The following ABLIM1 variants were observed in gnomAD, a reference collection of about 807,000 sequenced individuals.
ABLIM1 encodes actin-binding LIM protein 1.
A neutral mutation model predicts 107.0 loss-of-function variants in ABLIM1; 40 were observed. The observed-to-expected ratio is 0.37, with a 90% CI of 0.29 to 0.49. The LOEUF is 0.49. Among genes scored for constraint, ABLIM1 ranks in the 20% least tolerant of loss-of-function variants. The pLI is 0.97. For missense variants in ABLIM1, 857 were observed against 1,008.5 expected (o/e 0.85, Z 2.04); for synonymous variants, 357 against 357.3 (o/e 1.00, Z 0.01).
intron 6 of ABLIM1, among the ~76,000 whole-genome samples, chr10:114,505,283 C>T (rs2060969460): frequency 6.6e-6 from 1 of 152,194 alleles, no homozygotes; most frequent in African/African-American, 2.4e-5. Flanking sequence ...TAAATATTTG[C>T]CTTCAAGTTC....
intron 2 of ABLIM1, among the ~76,000 whole-genome samples, chr10:114,587,097 C>T (rs780271333): frequency 2.6e-5 from 4 of 152,154 alleles, no homozygotes; most frequent in South Asian, 2.1e-4. Context: ...ATGGAAAGTA[C>T]GATTGGAGAT....
rs143296116 is a variant in ABLIM1 at position 114,599,105 on chromosome 10, G to C, written c.379+2722C>G. ...GTGATTCCAGAATGTTGGGACACAA[G>C]ATAGTAGCCATTGCCAGATTAAGTG... On this transcript the variant is annotated intron_variant, in intron 2 of 22. Transcript: ENST00000533213. Among the ~76,000 whole-genome samples, 395 of 152,288 alleles carry C rather than the reference G, an allele frequency of 2.6e-3. 1 individual carries two copies. Among genetic ancestry groups the C allele is most frequent in the Non-Finnish European group, 2.3e-3 (154 of 68,012 alleles).
At chr10:114,437,421 C>T (rs538075212) in intron 22 of ABLIM1, among the ~76,000 whole-genome samples, 1 of 150,994 alleles carries the variant, frequency 6.6e-6, no homozygotes. Flanking sequence ...TGGATTCAAG[C>T]GATTCTCCTG....
chr10:114,798,557 C>CCG, the ABLIM1 span, among the ~76,000 whole-genome samples: 1 of 30,026 alleles, frequency 3.3e-5, no homozygotes, highest in Middle Eastern at 0.016. Context: ...GATGATGAGA[C>CCG]CCCCCCCCCA....
At chr10:114,536,223 CTTTGTTTTTTTTT>C (rs1307815480) in intron 6 of ABLIM1, among the ~76,000 whole-genome samples, 9 of 80,416 alleles carry the variant, frequency 1.1e-4, no homozygotes, top group African/African-American at 2.0e-4. Flanking sequence ...TTCCTTCTTT[CTTTGTTTTTTTTT>C]TTTTTTTTTT....
intron 6 of ABLIM1, among the ~76,000 whole-genome samples, chr10:114,492,942 GA>G (rs202028361): frequency 4.2e-4 from 63 of 151,212 alleles, no homozygotes; most frequent in Non-Finnish European, 8.3e-4. Context: ...TAATCAGGTG[GA>G]AAAAAAAATT....
intron 1 of ABLIM1, among the ~76,000 whole-genome samples, chr10:114,653,345 C>T (rs2079340887): frequency 6.6e-6 from 1 of 151,824 alleles, no homozygotes; most frequent in Non-Finnish European, 1.5e-5. Context: ...AGTTTTAAAC[C>T]AGCCTGGGCA....
intron 1 of ABLIM1, among the ~76,000 whole-genome samples, chr10:114,664,901 G>A (rs1369715164): frequency 1.0e-4 from 15 of 150,618 alleles, no homozygotes; most frequent in Non-Finnish European, 1.8e-4. Context: ...GGCGGATCAC[G>A]AGGTCAGGAA....
At chr10:114,653,362 T>C (rs1051446596) in intron 1 of ABLIM1, among the ~76,000 whole-genome samples, 3 of 145,842 alleles carry the variant, frequency 2.1e-5, no homozygotes, top group Non-Finnish European at 4.6e-5. Context: ...GGCAACAAAG[T>C]GAGACCCTGT....
intron 4 of ABLIM1, among the ~76,000 whole-genome samples, chr10:114,555,593 C>T (rs973768440): frequency 1.3e-5 from 2 of 152,106 alleles, no homozygotes; most frequent in African/African-American, 4.8e-5. Flanking sequence ...ACGTAGAGAA[C>T]TATTGTGAAC....
chr10:114,609,239 A>T (rs2076645078), intron 1 of ABLIM1, among the ~76,000 whole-genome samples: 1 of 152,192 alleles, frequency 6.6e-6, no homozygotes. Context: ...ATTAATTTAG[A>T]AATCTCCCTT....
chr10:114,536,815 A>G (rs1429907122), intron 6 of ABLIM1, among the ~76,000 whole-genome samples: 2 of 152,152 alleles, frequency 1.3e-5, no homozygotes, highest in Non-Finnish European at 2.9e-5. Context: ...CCAGAGCTTC[A>G]TGAAGAAAAT....
In ABLIM1 at chr10:114,465,831, G is replaced by A. The variant is rs1480381895; in HGVS notation, c.1312-4C>T. On this transcript the variant is annotated splice_polypyrimidine_tract_variant and splice_region_variant and intron_variant, in intron 11 of 22. Coordinates refer to ENST00000533213, the MANE Select transcript of ABLIM1 (RefSeq NM_002313.7). ...GATCCCGAACATCCTGGTACCCCTG[G>A]AAACAAAGTTCAACACATTCAGGCT... is the stretch of plus-strand genomic sequence containing the variant. The A allele has an allele frequency of 1.9e-6, 3 of 1,613,838 alleles. No homozygotes were observed. In the African/African-American group the frequency reaches 4.0e-5, roughly 22 times the overall value.
chr10:114,480,782 T>C (rs1040141855), intron 8 of ABLIM1, among the ~76,000 whole-genome samples: 2 of 152,182 alleles, frequency 1.3e-5, no homozygotes, highest in African/African-American at 4.8e-5. Flanking sequence ...ATTTACTCTA[T>C]AGTTATCTCC....
chr10:114,797,966 T>TA, the ABLIM1 span, among the ~76,000 whole-genome samples: 1 of 152,190 alleles, frequency 6.6e-6, no homozygotes, highest in African/African-American at 2.4e-5. Context: ...GAACTGACTA[T>TA]AAAAAAACTG....
upstream of ABLIM1, among the ~76,000 whole-genome samples, chr10:114,770,600 A>G (rs2083012057): frequency 6.6e-6 from 1 of 152,148 alleles, no homozygotes; most frequent in East Asian, 1.9e-4. Context: ...CGTTCAATCA[A>G]CTTCTGTGGC....
chr10:114,657,120 A>T (rs980264312), intron 1 of ABLIM1, among the ~76,000 whole-genome samples: 1 of 152,236 alleles, frequency 6.6e-6, no homozygotes, highest in Non-Finnish European at 1.5e-5. Context: ...AGAACATCTT[A>T]ACTCCAGTAC....
At chr10:114,792,917 A>G in the ABLIM1 span, among the ~76,000 whole-genome samples, 2 of 152,114 alleles carry the variant, frequency 1.3e-5, no homozygotes, top group Non-Finnish European at 2.9e-5. Flanking sequence ...TTTGGGAGGC[A>G]GAAGTGGGAA....
At chr10:114,510,390 T>C (rs1313112901) in intron 6 of ABLIM1, among the ~76,000 whole-genome samples, 1 of 150,648 alleles carries the variant, frequency 6.6e-6, no homozygotes, top group Non-Finnish European at 1.5e-5. Flanking sequence ...TATACATTTA[T>C]ATATTCATAT....
Sources: gnomAD v4.1 joint callset for allele counts (sites outside exome capture counted in the v4.1 genomes callset) on GRCh38, gnomAD v4.1.1 for gene constraint, MANE v1.5 for transcripts, NCBI Gene and HGNC (gene_info 2026-07-23, HGNC 2026-07-21) for gene names.